The following ALPK2 variants were observed in gnomAD, a reference collection of about 807,000 sequenced individuals.
The protein encoded by ALPK2 is alpha kinase 2, also known as alpha-protein kinase 2.
In ALPK2, 127 loss-of-function variants were observed where a neutral mutation model predicts 163.1. The ratio of observed to expected loss-of-function variants is 0.78; its 90% CI spans 0.67 to 0.90. The LOEUF (loss-of-function observed/expected upper bound fraction) is 0.90. Ranked by LOEUF, ALPK2 falls within the 40% of genes least tolerant of loss-of-function variation. ALPK2 has a pLI of 0.00. For synonymous variants in ALPK2, 953 were observed against 959.1 expected, an observed-to-expected ratio of 0.99 and a Z score of 0.12; for missense variants, 2,360 against 2,589.6, an observed-to-expected ratio of 0.91 and a Z score of 1.92.
intron 1 of ALPK2, among the ~76,000 whole-genome samples, chr18:58,626,023 C>T (rs2144246594): frequency 6.6e-6 from 1 of 152,340 alleles, no homozygotes; most frequent in Non-Finnish European, 1.5e-5. Flanking sequence ...TTACGTTCTC[C>T]CAAGTTGCTT....
rs146583243 is a variant in ALPK2, at chr18:58,626,937, A to G, written c.-21+1827T>C. On this transcript the variant is annotated intron_variant, in intron 1 of 12. Coordinates refer to ENST00000361673, the MANE Select transcript of ALPK2 (RefSeq NM_052947.4). ...TAAGGTGAAAAACTAACTTTCATTG[A>G]GAAACTATGATTCGACACATACTTT... Among the ~76,000 whole-genome samples the G allele has an allele frequency of 7.2e-5, 11 of 152,138 alleles. 1 individual carries two copies. In the East Asian group the frequency reaches 1.9e-3, roughly 27 times the overall value.
chr18:58,504,421 C>T (rs2051450959), intron 10 of ALPK2, among the ~76,000 whole-genome samples: 1 of 152,224 alleles, frequency 6.6e-6, no homozygotes, highest in Non-Finnish European at 1.5e-5. Context: ...ACCCATCAAT[C>T]AATGACTATA....
intron 3 of ALPK2, among the ~76,000 whole-genome samples, chr18:58,597,449 A>T (rs1319937420): frequency 2.0e-5 from 3 of 152,224 alleles, no homozygotes; most frequent in Non-Finnish European, 4.4e-5. Context: ...CAACCCTGCA[A>T]AGTAGATACT....
At chr18:58,546,136 A>T in intron 4 of ALPK2, among the ~76,000 whole-genome samples, 1 of 152,180 alleles carries the variant, frequency 6.6e-6, no homozygotes, top group East Asian at 1.9e-4. Flanking sequence ...CACGTAATAG[A>T]CTGGAGGACT....
rs1339027024 is a variant in ALPK2, at chr18:58,535,886, C to T, written c.4301G>A (p.Gly1434Asp). ...ETTPQGAREG[G>D]QSNDGNMGHE... ...GCCCATGTTTCCGTCATTTGATTGA[C>T]CCCCTTCTCTGGCGCCCTGTGGTGT... The change falls in exon 5 of 13, where the codon GGT becomes GAT. Residue 1434 changes from glycine to aspartate, a missense_variant. By Grantham distance (94) the Gly-to-Asp change is moderately conservative. Transcript: ENST00000361673. 8.1e-6 allele frequency: 13 copies of T among 1,613,804 alleles called. No homozygotes were observed. Among genetic ancestry groups the T allele is most frequent in the Non-Finnish European group, 1.1e-5 (13 of 1,179,784 alleles).
At chr18:58,568,005 G>A (rs1446035029) in intron 4 of ALPK2, among the ~76,000 whole-genome samples, 3 of 152,180 alleles carry the variant, frequency 2.0e-5, no homozygotes, top group African/African-American at 7.2e-5. Context: ...TCTGTTGTGT[G>A]TTTTTAATAT....
chr18:58,623,015 A>G (rs1322895855), intron 1 of ALPK2, among the ~76,000 whole-genome samples: 1 of 151,722 alleles, frequency 6.6e-6, no homozygotes, highest in Non-Finnish European at 1.5e-5. Flanking sequence ...GAGTGTAGTT[A>G]ACTGAGCCCG....
chr18:58,565,045 GT>G (rs1403293575), intron 4 of ALPK2, among the ~76,000 whole-genome samples: 1 of 152,108 alleles, frequency 6.6e-6, no homozygotes, highest in Non-Finnish European at 1.5e-5. Context: ...CTATGGAATG[GT>G]TGGGGGGCAT....
chr18:58,525,275 G>A (rs563859010), intron 6 of ALPK2, among the ~76,000 whole-genome samples: 1 of 152,218 alleles, frequency 6.6e-6, no homozygotes, highest in East Asian at 1.9e-4. Context: ...TCATTCCTGG[G>A]GTCTCTGAAC....
At chr18:58,491,096 T>A (rs1387759156) in intron 12 of ALPK2, among the ~76,000 whole-genome samples, 1 of 152,232 alleles carries the variant, frequency 6.6e-6, no homozygotes, top group Non-Finnish European at 1.5e-5. Context: ...TGGTTTTATC[T>A]GCAAATGGGA....
intron 10 of ALPK2, among the ~76,000 whole-genome samples, chr18:58,506,419 T>C (rs1156391068): frequency 6.7e-6 from 1 of 150,276 alleles, no homozygotes; most frequent in Non-Finnish European, 1.5e-5. Context: ...AACATTTAAA[T>C]GATATTTAAA....
At chr18:58,512,189 G>A (rs1871945965) in intron 10 of ALPK2, 1 of 152,176 alleles carries the variant, frequency 6.6e-6, no homozygotes, top group South Asian at 2.1e-4. Flanking sequence ...GCCAACAAAA[G>A]GATTCACGGT....
chr18:58,610,823 A>G (rs950615794), intron 2 of ALPK2, among the ~76,000 whole-genome samples: 1 of 150,274 alleles, frequency 6.7e-6, no homozygotes, highest in Non-Finnish European at 1.5e-5. Flanking sequence ...AGCCAGCCGC[A>G]GTGGCTCACG....
At chr18:58,502,183 GA>G (rs11446192) in intron 11 of ALPK2, among the ~76,000 whole-genome samples, 24 of 80,528 alleles carry the variant, frequency 3.0e-4, no homozygotes, top group South Asian at 1.3e-3. Flanking sequence ...CACACACAAA[GA>G]AAAAAAAAAG....
At chr18:58,504,623 C>T (rs2051452229) in intron 10 of ALPK2, among the ~76,000 whole-genome samples, 1 of 152,108 alleles carries the variant, frequency 6.6e-6, no homozygotes, top group Admixed American at 6.5e-5. Context: ...GATGCTATTC[C>T]TCAAAACAGC....
intron 4 of ALPK2, among the ~76,000 whole-genome samples, chr18:58,538,779 G>A (rs1281072855): frequency 6.6e-6 from 1 of 152,148 alleles, no homozygotes; most frequent in Non-Finnish European, 1.5e-5. Flanking sequence ...AAGTGTTTGG[G>A]TTATGGGGGT....
chr18:58,567,201 C>T (rs956282645), intron 4 of ALPK2, among the ~76,000 whole-genome samples: 4 of 149,784 alleles, frequency 2.7e-5, no homozygotes, highest in Non-Finnish European at 5.9e-5. Context: ...GTGTGGCCAA[C>T]ATGACGAAAC....
intron 4 of ALPK2, chr18:58,545,159 G>A (rs1200076160): frequency 1.3e-5 from 2 of 151,566 alleles, no homozygotes; most frequent in East Asian, 1.9e-4. Context: ...GAGATTTGCA[G>A]TCATCGTCGA....
intron 1 of ALPK2, among the ~76,000 whole-genome samples, chr18:58,616,686 T>C (rs769184607): frequency 1.3e-5 from 2 of 152,128 alleles, no homozygotes; most frequent in Non-Finnish European, 2.9e-5. Flanking sequence ...CTCCTGCAAA[T>C]CGCCTATGGA....
Sources: gnomAD v4.1 joint callset for allele counts (sites outside exome capture counted in the v4.1 genomes callset) on GRCh38, gnomAD v4.1.1 for gene constraint, MANE v1.5 for transcripts, NCBI Gene and HGNC (gene_info 2026-07-23, HGNC 2026-07-21) for gene names.